The following AP4E1 variants were observed in gnomAD, a reference collection of about 807,000 sequenced individuals.
The protein encoded by AP4E1 is adaptor related protein complex 4 subunit epsilon 1.
Under a neutral mutation model 128.2 loss-of-function variants are expected in AP4E1, and 56 were observed. That is an observed-to-expected ratio of 0.44 (90% confidence interval 0.35 to 0.55). The LOEUF (loss-of-function observed/expected upper bound fraction) is 0.55, where lower values mean the gene tolerates loss of function less well. AP4E1 is among the 20% of genes least tolerant of loss of function. The pLI, the probability that AP4E1 is intolerant of heterozygous loss-of-function variation, is 0.00. For missense variants in AP4E1, 1,324 were observed against 1,307.7 expected (o/e 1.01, Z -0.19); for synonymous variants, 484 against 473.1 (o/e 1.02, Z -0.30).
intron 3 of AP4E1, among the ~76,000 whole-genome samples, 180 bp from the exon 4 acceptor site, chr15:50,923,751 C>T (rs1014744981): frequency 6.6e-6 from 1 of 152,132 alleles, no homozygotes; most frequent in African/African-American, 2.4e-5. Context: ...TGGAAGATTT[C>T]AGGGTGAAGA....
At chr15:50,989,676 A>G (rs894776701) in intron 16 of AP4E1, among the ~76,000 whole-genome samples, 7 of 152,104 alleles carry the variant, frequency 4.6e-5, no homozygotes, top group East Asian at 3.8e-4. Context: ...CCAGGGAGGA[A>G]CTTACACACT....
Position 51,003,060 on chromosome 15 carries a change from T to G in AP4E1, c.*398T>G. ...ATTAAATGGAAGGGAGACATGAAAT[T>G]GATAATCTCAAACTTAATTCATATT... On this transcript the variant is annotated 3_prime_UTR_variant, in exon 21 of 21. Transcript: ENST00000261842. 4.5e-6 allele frequency: 1 copy of G among 221,842 alleles called. No homozygotes were observed. Among genetic ancestry groups the G allele is most frequent in the Non-Finnish European group, 9.1e-6 (1 of 109,948 alleles). 13.7% of individuals were successfully genotyped at this position (221,842 alleles called of 1,614,324 possible). A position where few individuals can be genotyped will look rare whatever the true frequency, so the allele number is the denominator to read the frequency against.
At chr15:50,994,850 T>C (rs935592453) in intron 17 of AP4E1, among the ~76,000 whole-genome samples, 4 of 152,310 alleles carry the variant, frequency 2.6e-5, no homozygotes, top group African/African-American at 7.2e-5. Context: ...TGATATTAGA[T>C]TTTTTGTGGT....
intron 17 of AP4E1, among the ~76,000 whole-genome samples, chr15:50,995,980 CTTTTTTTTTTTTTT>C (rs1199189475): frequency 1.1e-4 from 10 of 91,796 alleles, no homozygotes; most frequent in Non-Finnish European, 1.7e-4. Context: ...TAATATACAT[CTTTTTTTTTTTTTT>C]TTTTTTTTTT....
intron 10 of AP4E1, chr15:50,945,382 A>G (rs2064044822): frequency 1.3e-6 from 1 of 779,136 alleles, no homozygotes. Context: ...AGATATGAGA[A>G]CAAATACAGT....
intron 16 of AP4E1, among the ~76,000 whole-genome samples, chr15:50,984,898 G>C (rs1248747988): frequency 6.6e-6 from 1 of 152,034 alleles, no homozygotes; most frequent in Admixed American, 6.5e-5. Context: ...CTTCCACAAT[G>C]GTTGAACTAG....
At chr15:50,983,120 A>G (rs1394014126) in intron 15 of AP4E1, among the ~76,000 whole-genome samples, 1 of 152,156 alleles carries the variant, frequency 6.6e-6, no homozygotes, top group Non-Finnish European at 1.5e-5. Context: ...TCTCCTATTA[A>G]AGGAATCCAG....
At position 50,913,640 on chromosome 15, in the gene AP4E1, T is replaced by C. The variant is rs548447988; in HGVS notation, c.222+1491T>C. 3.3e-5 allele frequency among the ~76,000 whole-genome samples: 5 copies of C among 152,370 alleles called. No individual in the cohort carries two copies. The South Asian group carries it at 8.3e-4, about 25-fold the overall frequency. On this transcript the variant is annotated intron_variant, in intron 2 of 20. Coordinates refer to ENST00000261842, the MANE Select transcript of AP4E1 (RefSeq NM_007347.5). The stretch of plus-strand genomic sequence containing the variant: ...TGCATGAGATGTAATCTCACTTAGA[T>C]AAAGTTCATAATGACTTTTGAAAAA...
Position 51,005,239 on chromosome 15 carries a change from C to T in AP4E1, c.*2577C>T, listed in dbSNP as rs2065005398. On this transcript the variant is annotated 3_prime_UTR_variant, in exon 21 of 21. Transcript: ENST00000261842. ...CTTTACCTAATAGTCATAATTTAGTCAGTGAAGGGACAACATCTGGGGTAA... is the reference window on the plus strand; with the variant it reads ...CTTTACCTAATAGTCATAATTTAGTTAGTGAAGGGACAACATCTGGGGTAA... 1 of 152,242 alleles carries T rather than the reference C, an allele frequency of 6.6e-6. No homozygotes were observed. The highest frequency in any genetic ancestry group is 1.5e-5 in the Non-Finnish European group (1 of 68,062). 9.4% of individuals were successfully genotyped at this position (152,242 alleles called of 1,614,324 possible). A position where few individuals can be genotyped will look rare whatever the true frequency, so the allele number is the denominator to read the frequency against.
intron 14 of AP4E1, 136 bp downstream of exon 14, chr15:50,958,930 A>G: frequency 2.1e-6 from 2 of 945,092 alleles, no homozygotes. Context: ...GTTCCTTTTC[A>G]CATTAGTATG....
intron 3 of AP4E1, among the ~76,000 whole-genome samples, chr15:50,916,646 G>T (rs1337277671): frequency 1.3e-5 from 2 of 152,162 alleles, no homozygotes; most frequent in African/African-American, 4.8e-5. Context: ...AACATTCTGA[G>T]ACTGAGTGCA....
intron 13 of AP4E1, among the ~76,000 whole-genome samples, chr15:50,953,226 G>A (rs769975867): frequency 4.6e-5 from 7 of 152,062 alleles, no homozygotes; most frequent in Non-Finnish European, 8.8e-5. Context: ...ATTGATTATT[G>A]GTTTCTGTGG....
intron 8 of AP4E1, among the ~76,000 whole-genome samples, chr15:50,935,071 A>G (rs1383831427): frequency 1.3e-5 from 2 of 152,144 alleles, no homozygotes; most frequent in Admixed American, 1.3e-4. Context: ...TAGTTGTCAG[A>G]TATTTTATTA....
At chr15:50,936,796 T>G (rs1179871212) in intron 8 of AP4E1, among the ~76,000 whole-genome samples, 1 of 152,208 alleles carries the variant, frequency 6.6e-6, no homozygotes, top group African/African-American at 2.4e-5. Flanking sequence ...TAGCTGGGCA[T>G]GGTGGCGTGT....
intron 1 of AP4E1, among the ~76,000 whole-genome samples, chr15:50,909,388 C>T (rs1000163140): frequency 6.6e-6 from 1 of 152,118 alleles, no homozygotes; most frequent in African/African-American, 2.4e-5. Flanking sequence ...AACTGAACAA[C>T]AGTTCAGATG....
rs2064924069 is a variant in AP4E1 at position 50,999,227 on chromosome 15, A to C, written c.3060A>C (p.Glu1020Asp). Reference sequence around the variant, plus strand: ...TGGATACTCATTCTGCTCAGCTGGAATTTTCTGTAAACTTATCACTATTAG... The same window carrying C: ...TGGATACTCATTCTGCTCAGCTGGACTTTTCTGTAAACTTATCACTATTAG... The part of the protein sequence containing the change: ...HMMDTHSAQL[E>D]FSVNLSLLDF... The change falls in exon 19 of 21, where the codon GAA (glutamate) becomes GAC (aspartate). Residue 1020 changes from glutamate (E) to aspartate (D), a missense_variant. Transcript: ENST00000261842. 6.2e-7 allele frequency: 1 copy of C among 1,612,296 alleles called. No individual in the cohort carries two copies.
intron 16 of AP4E1, among the ~76,000 whole-genome samples, chr15:50,993,097 A>C (rs2064825134): frequency 6.6e-6 from 1 of 152,204 alleles, no homozygotes; most frequent in Non-Finnish European, 1.5e-5. Flanking sequence ...TGTATAACTT[A>C]AGCAGTTAAG....
At chr15:50,989,487 CTT>C (rs755088428) in intron 16 of AP4E1, among the ~76,000 whole-genome samples, 3 of 145,348 alleles carry the variant, frequency 2.1e-5, no homozygotes, top group Admixed American at 6.9e-5. Flanking sequence ...TTTTTCTTAT[CTT>C]TTTTTTTTTT....
intron 3 of AP4E1, among the ~76,000 whole-genome samples, chr15:50,921,480 C>G (rs1426835425): frequency 2.0e-5 from 3 of 151,964 alleles, no homozygotes; most frequent in Admixed American, 6.6e-5. Flanking sequence ...TCCCAAGTAG[C>G]TGGGATTACA....
Sources: gnomAD v4.1 joint callset for allele counts (sites outside exome capture counted in the v4.1 genomes callset) on GRCh38, gnomAD v4.1.1 for gene constraint, MANE v1.5 for transcripts, NCBI Gene and HGNC (gene_info 2026-07-23, HGNC 2026-07-21) for gene names.